The following COPS3 variants were observed in gnomAD, a reference collection of about 807,000 sequenced individuals.
COPS3 encodes the protein COP9 signalosome subunit 3, also known as COP9 signalosome complex subunit 3.
COPS3 carries 10 observed loss-of-function variants against 58.2 expected under a neutral mutation model. The ratio of observed to expected loss-of-function variants is 0.17; its 90% CI spans 0.11 to 0.29. COPS3 has a LOEUF of 0.29. Ranked by LOEUF, COPS3 falls within the 10% of genes least tolerant of loss-of-function variation. The pLI is 1.00. For synonymous variants in COPS3, 187 were observed against 181.7 expected, an observed-to-expected ratio of 1.03 and a Z score of -0.24; for missense variants, 333 against 510.1, an observed-to-expected ratio of 0.65 and a Z score of 3.34.
intron 1 of COPS3, chr17:17,280,666 G>C: frequency 7.7e-7 from 1 of 1,305,518 alleles, no homozygotes. Flanking sequence ...TGGCAGAGGC[G>C]AGCCATAGAG....
At position 17,260,649 on chromosome 17, in the gene COPS3, C is replaced by G. The variant is rs549810979; in HGVS notation, c.763-175G>C. ...AGAAACCCCGTCTCTACTAAAAATA[C>G]AAAATTAACTGAGCGTGATAGCACA... On this transcript the variant is annotated intron_variant, in intron 7 of 11. Transcript: ENST00000268717. 5.6e-6 allele frequency: 3 copies of G among 532,788 alleles called. No homozygotes were observed. The South Asian group carries it at 6.7e-5, about 12-fold the overall frequency. 33.0% of individuals were successfully genotyped at this position (532,788 alleles called of 1,614,324 possible).
At chr17:17,252,208 C>CTAA (rs1356363540) in intron 9 of COPS3, among the ~76,000 whole-genome samples, 1 of 152,060 alleles carries the variant, frequency 6.6e-6, no homozygotes, top group African/African-American at 2.4e-5. Flanking sequence ...TGTGTTTAGC[C>CTAA]GTACACTTAA....
intron 8 of COPS3, among the ~76,000 whole-genome samples, chr17:17,255,879 T>TAAATAAATA (rs2047963216): frequency 1.3e-5 from 2 of 148,356 alleles, no homozygotes; most frequent in Non-Finnish European, 3.0e-5. Context: ...AATAAATAAA[T>TAAATAAATA]AACTGATAGG....
At chr17:17,269,235 G>A (rs756588463) in intron 4 of COPS3, among the ~76,000 whole-genome samples, 1 of 152,094 alleles carries the variant, frequency 6.6e-6, no homozygotes. Flanking sequence ...CACCAGCCTG[G>A]CAAACATGGT....
chr17:17,249,722 C>T (rs539903695), intron 9 of COPS3, among the ~76,000 whole-genome samples: 239 of 152,328 alleles, frequency 1.6e-3, no homozygotes, highest in African/African-American at 5.6e-3. Context: ...CAACTCCCGA[C>T]TTTAGGTGAG....
At chr17:17,278,725 T>C (rs954866323) in intron 1 of COPS3, among the ~76,000 whole-genome samples, 4 of 152,140 alleles carry the variant, frequency 2.6e-5, no homozygotes, top group African/African-American at 7.2e-5. Context: ...CAGTGCCCAG[T>C]TGAGACTGAA....
chr17:17,278,136 G>A (rs944675631), intron 1 of COPS3, among the ~76,000 whole-genome samples: 1 of 152,032 alleles, frequency 6.6e-6, no homozygotes, highest in Non-Finnish European at 1.5e-5. Flanking sequence ...GGGCAACAGA[G>A]CAAGACTCCG....
intron 8 of COPS3, among the ~76,000 whole-genome samples, chr17:17,259,361 C>CAA (rs1316032650): frequency 1.3e-5 from 2 of 152,098 alleles, no homozygotes; most frequent in African/African-American, 4.8e-5. Context: ...TCCTAAAACA[C>CAA]AAAAAATTTC....
At chr17:17,249,495 T>G (rs1226179940) in intron 9 of COPS3, among the ~76,000 whole-genome samples, 1 of 151,630 alleles carries the variant, frequency 6.6e-6, no homozygotes, top group East Asian at 1.9e-4. Flanking sequence ...GGCTAATTTT[T>G]TTGTTGTTTT....
intron 1 of COPS3, among the ~76,000 whole-genome samples, chr17:17,279,951 C>A (rs943386894): frequency 1.3e-5 from 2 of 152,190 alleles, no homozygotes; most frequent in Non-Finnish European, 2.9e-5. Context: ...CGAGTAAAAT[C>A]ATCACAATTC....
At chr17:17,280,868 G>A in intron 1 of COPS3, 1 of 1,098,524 alleles carries the variant, frequency 9.1e-7, no homozygotes, top group South Asian at 1.8e-5. Flanking sequence ...AGCGCCCGGT[G>A]GAAGGGGCCC....
At chr17:17,264,662 T>TA in intron 6 of COPS3, 140 bp downstream of exon 6, 1 of 641,704 alleles carries the variant, frequency 1.6e-6, no homozygotes, top group Non-Finnish European at 2.6e-6. Flanking sequence ...ATTTACATGA[T>TA]CACAGAGAAG....
chr17:17,250,254 CTTT>C (rs113179216), intron 9 of COPS3, among the ~76,000 whole-genome samples: 2,793 of 127,578 alleles, frequency 0.022, 98 homozygotes, highest in African/African-American at 0.078. Flanking sequence ...CTTACATCGC[CTTT>C]TTTTTTTTTT....
chr17:17,257,782 G>A (rs1332699059), intron 8 of COPS3, among the ~76,000 whole-genome samples: 1 of 144,564 alleles, frequency 6.9e-6, no homozygotes, highest in African/African-American at 2.6e-5. Flanking sequence ...GGGAGACAGA[G>A]CAAGACTCCG....
intron 1 of COPS3, among the ~76,000 whole-genome samples, chr17:17,276,890 T>C (rs1309564839): frequency 6.6e-6 from 1 of 152,146 alleles, no homozygotes; most frequent in Non-Finnish European, 1.5e-5. Context: ...CCGCACTCCA[T>C]ATTAGTACTG....
intron 2 of COPS3, among the ~76,000 whole-genome samples, chr17:17,275,154 A>C (rs2048435227): frequency 6.7e-6 from 1 of 150,054 alleles, no homozygotes; most frequent in African/African-American, 2.5e-5. Context: ...GCAGTGGTGC[A>C]ATCTTGGCTC....
Position 17,276,106 on chromosome 17 carries a change from G to A in COPS3, c.114C>T (p.Asn38=), listed in dbSNP as rs1015365759. Residue 38 remains asparagine (N), a synonymous_variant, in exon 2 of 12, where the codon AAC becomes AAT. Coordinates refer to ENST00000268717, the MANE Select transcript of COPS3 (RefSeq NM_003653.4). ...CGAGCACAGTGTCCAGATGGGATAA[G>A]TTCTTCGCAAGGAGTTCCCCACTCT... The part of the protein sequence containing the change: ...INKSGELLAK[N]LSHLDTVLGA... The A allele has an allele frequency of 3.7e-6, 6 of 1,614,046 alleles. No homozygotes were observed. The highest frequency in any genetic ancestry group is 5.1e-6 in the Non-Finnish European group (6 of 1,180,024).
At chr17:17,276,271 T>C in intron 1 of COPS3, 107 bp from the exon 2 acceptor site, 1 of 1,427,190 alleles carries the variant, frequency 7.0e-7, no homozygotes, top group Non-Finnish European at 9.7e-7. Flanking sequence ...CCAAAATTGA[T>C]TCTTAATCTC....
rs187098888 is a variant in COPS3, at chr17:17,255,565, G to A, written c.937-620C>T. The stretch of plus-strand genomic sequence containing the variant: ...GATGACTTAAAACTGATGGGCGAGG[G>A]GTGGTGGCTCACACCTGTAATCCCA... On this transcript the variant is annotated intron_variant, in intron 8 of 11. Transcript: ENST00000268717. 3.3e-5 allele frequency among the ~76,000 whole-genome samples: 5 copies of A among 150,306 alleles called. No individual in the cohort carries two copies. The East Asian group carries it at 9.8e-4, about 30-fold the overall frequency.
Sources: gnomAD v4.1 joint callset for allele counts (sites outside exome capture counted in the v4.1 genomes callset) on GRCh38, gnomAD v4.1.1 for gene constraint, MANE v1.5 for transcripts, NCBI Gene and HGNC (gene_info 2026-07-23, HGNC 2026-07-21) for gene names.